The following CHIC1 variants were observed in gnomAD, a reference collection of about 807,000 sequenced individuals.
CHIC1 encodes the protein cysteine rich hydrophobic domain 1.
In CHIC1, 7 loss-of-function variants were observed where a neutral mutation model predicts 18.5. The ratio of observed to expected loss-of-function variants is 0.38; its 90% CI spans 0.22 to 0.71. The LOEUF (loss-of-function observed/expected upper bound fraction) is 0.71, where lower values mean the gene tolerates loss of function less well. Among genes scored for constraint, CHIC1 ranks in the 30% least tolerant of loss-of-function variants. The pLI is 0.49. For synonymous variants in CHIC1, 77 were observed against 73.5 expected (o/e 1.05, Z -0.25); for missense variants, 159 against 176.9 (o/e 0.90, Z 0.57).
chrX:73,669,899 A>C (rs757814484), intron 3 of CHIC1, among the ~76,000 whole-genome samples: 9 of 111,956 alleles, frequency 8.0e-5, no homozygotes, highest in Non-Finnish European at 1.5e-4. Flanking sequence ...CTTCCTAGGC[A>C]TATATGCAGA....
At chrX:73,596,690 A>G (rs2057610580) in intron 3 of CHIC1, among the ~76,000 whole-genome samples, 1 of 111,019 alleles carries the variant, frequency 9.0e-6, no homozygotes, top group Non-Finnish European at 1.9e-5. Context: ...ATATAGGCCA[A>G]TGGAACAGAA....
chrX:73,661,829 C>A (rs182802455), intron 3 of CHIC1, among the ~76,000 whole-genome samples: 225 of 110,909 alleles, frequency 2.0e-3, no homozygotes, highest in African/African-American at 6.9e-3. Context: ...ATGCGGTCTC[C>A]ACCAAACAGC....
intron 3 of CHIC1, among the ~76,000 whole-genome samples, chrX:73,653,222 G>A (rs1374045996): frequency 9.1e-6 from 1 of 110,172 alleles, no homozygotes; most frequent in Non-Finnish European, 1.9e-5. Flanking sequence ...GGGGTCTGTT[G>A]GGGGGTGTGG....
At chrX:73,631,669 A>T (rs2057807833) in intron 3 of CHIC1, among the ~76,000 whole-genome samples, 1 of 111,484 alleles carries the variant, frequency 9.0e-6, no homozygotes, top group Non-Finnish European at 1.9e-5. Flanking sequence ...TAATGTAAGC[A>T]TTTATCACTA....
chrX:73,674,571 G>T (rs2058051308), intron 3 of CHIC1, among the ~76,000 whole-genome samples: 1 of 111,712 alleles, frequency 9.0e-6, no homozygotes, highest in Admixed American at 9.5e-5. Flanking sequence ...TGTGGGATCG[G>T]TGGTGATATC....
At chrX:73,639,058 G>T (rs925901211) in intron 3 of CHIC1, among the ~76,000 whole-genome samples, 8 of 111,560 alleles carry the variant, frequency 7.2e-5, no homozygotes, top group Non-Finnish European at 1.3e-4. Context: ...GGGATTGCTG[G>T]GACAAACAAT....
At chrX:73,597,947 A>G (rs1166014429) in intron 3 of CHIC1, among the ~76,000 whole-genome samples, 1 of 111,518 alleles carries the variant, frequency 9.0e-6, no homozygotes, top group Non-Finnish European at 1.9e-5. Flanking sequence ...AAAGAACATG[A>G]ACTCATTCTT....
chrX:73,594,216 G>T (rs1219725808), intron 3 of CHIC1, among the ~76,000 whole-genome samples: 1 of 110,175 alleles, frequency 9.1e-6, no homozygotes, highest in Non-Finnish European at 1.9e-5. Flanking sequence ...AGTCACCCAC[G>T]CTGGAATACA....
Position 73,592,067 on chromosome X carries a change from GT to G in CHIC1, c.507+7505del, listed in dbSNP as rs745643161. ...TTTTGCATTCTGAAACTTTACTGAA[GT>G]TTTTTTTTTAATCAGTTCAAGGAGC... On this transcript the variant is annotated intron_variant, in intron 3 of 5. Coordinates refer to ENST00000373502, the MANE Select transcript of CHIC1 (RefSeq NM_001039840.4). Among the ~76,000 whole-genome samples the G allele has an allele frequency of 6.6e-3, 708 of 107,203 alleles. 8 individuals carry two copies. Among genetic ancestry groups the G allele is most frequent in the African/African-American group, 0.022 (660 of 29,750 alleles). 93.1% of individuals were successfully genotyped at this position (107,203 alleles called of 115,157 possible). A position where few individuals can be genotyped will look rare whatever the true frequency, so the allele number is the denominator to read the frequency against.
intron 3 of CHIC1, among the ~76,000 whole-genome samples, chrX:73,618,911 G>A (rs1345970784): frequency 8.9e-6 from 1 of 112,160 alleles, no homozygotes; most frequent in East Asian, 2.8e-4. Flanking sequence ...CCCTCCTTAA[G>A]GACCTCTGCA....
rs182772236 is a variant in CHIC1, at chrX:73,676,508, T to C, written c.508-2818T>C. On this transcript the variant is annotated intron_variant, in intron 3 of 5. Transcript: ENST00000373502. ...CGTCTTCCATCACTGATACCCTTTC[T>C]TCCAGTTGATCTCATCGGCTAGTGA... Among the ~76,000 whole-genome samples, 288 of 112,133 alleles carry C rather than the reference T, an allele frequency of 2.6e-3. 2 individuals are homozygous for C. Among genetic ancestry groups the C allele is most frequent in the Non-Finnish European group, 4.1e-3 (220 of 53,244 alleles).
chrX:73,636,780 A>G (rs914407316), intron 3 of CHIC1, among the ~76,000 whole-genome samples: 2 of 110,917 alleles, frequency 1.8e-5, no homozygotes, highest in Non-Finnish European at 3.8e-5. Flanking sequence ...CATAAATCAG[A>G]TACAGAATCT....
rs1023393931 is a variant in CHIC1 at position 73,679,287 on chromosome X, C to T, written c.508-39C>T. The T allele has an allele frequency of 5.5e-6, 5 of 916,200 alleles. No individual in the cohort carries two copies. In the African/African-American group the frequency reaches 9.7e-5, roughly 18 times the overall value. The allele number at this position is 916,200 out of a possible 1,213,427, so 75.5% of individuals were successfully genotyped here. On this transcript the variant is annotated intron_variant, in intron 3 of 5. Transcript: ENST00000373502. Reference sequence around the variant, plus strand: ...GATGCACATAGTTTACAAAGCTCTTCAGGTCATCTTGTAACAAAGTCTTGA... The same window carrying T: ...GATGCACATAGTTTACAAAGCTCTTTAGGTCATCTTGTAACAAAGTCTTGA...
rs760595471 is a variant in CHIC1 at position 73,684,531 on chromosome X, A to G, written c.*3526A>G. The G allele has an allele frequency of 3.6e-5, 4 of 111,621 alleles. No homozygotes were observed. The highest frequency in any genetic ancestry group is 5.7e-5 in the Non-Finnish European group (3 of 52,843). The allele number at this position is 111,621 out of a possible 1,213,427, so 9.2% of individuals were successfully genotyped here. A position where few individuals can be genotyped will look rare whatever the true frequency, so the allele number is the denominator to read the frequency against. ...CTTGAACATAAAGCTCCCAAACAAT[A>G]TTGTATTAAAATGTACTATATTGAC... is the stretch of plus-strand genomic sequence containing the variant. On this transcript the variant is annotated 3_prime_UTR_variant, in exon 6 of 6. Transcript: ENST00000373502.
At chrX:73,604,441 C>T (rs925058219) in intron 3 of CHIC1, among the ~76,000 whole-genome samples, 1 of 107,947 alleles carries the variant, frequency 9.3e-6, no homozygotes, top group Non-Finnish European at 1.9e-5. Flanking sequence ...TTTTGTTAAT[C>T]TTTTCAAAAA....
At chrX:73,671,184 C>T (rs1049349828) in intron 3 of CHIC1, among the ~76,000 whole-genome samples, 2 of 111,472 alleles carry the variant, frequency 1.8e-5, no homozygotes, top group Non-Finnish European at 3.8e-5. Flanking sequence ...ATGTGAATTC[C>T]CTTATATGTG....
intron 3 of CHIC1, among the ~76,000 whole-genome samples, chrX:73,603,880 A>T (rs1225841788): frequency 9.2e-6 from 1 of 108,324 alleles, no homozygotes; most frequent in Admixed American, 9.7e-5. Flanking sequence ...AAGCTTTTTG[A>T]TTTGCTGCTG....
chrX:73,645,352 A>G (rs866059953), intron 3 of CHIC1, among the ~76,000 whole-genome samples: 54 of 112,160 alleles, frequency 4.8e-4, no homozygotes, highest in African/African-American at 1.7e-3. Flanking sequence ...GCTATTGTGA[A>G]TAATGCTGCA....
intron 3 of CHIC1, among the ~76,000 whole-genome samples, chrX:73,666,927 ATCTG>A (rs2058007179): frequency 8.9e-6 from 1 of 111,787 alleles, no homozygotes; most frequent in African/African-American, 3.3e-5. Flanking sequence ...TATCTCAATG[ATCTG>A]TCTAATAGTG....
Sources: allele counts gnomAD v4.1 joint callset (sites outside exome capture counted in the v4.1 genomes callset), GRCh38; gene constraint gnomAD v4.1.1; transcripts MANE v1.5; gene names NCBI Gene and HGNC (gene_info 2026-07-23, HGNC 2026-07-21).